The following CNTNAP2 variants were observed in gnomAD, a reference collection of about 807,000 sequenced individuals.
CNTNAP2 encodes contactin associated protein 2, also known as contactin-associated protein-like 2.
A neutral mutation model predicts 155.2 loss-of-function variants in CNTNAP2; 98 were observed. That is an observed-to-expected ratio of 0.63 (90% CI 0.54 to 0.75). The LOEUF (loss-of-function observed/expected upper bound fraction) is 0.75, where lower values mean the gene tolerates loss of function less well. CNTNAP2 is among the 30% of genes least tolerant of loss of function. The pLI, the probability that CNTNAP2 is intolerant of heterozygous loss-of-function variation, is 0.00. For missense variants in CNTNAP2, 1,727 were observed against 1,688.1 expected (o/e 1.02, Z -0.40); for synonymous variants, 651 against 631.2 (o/e 1.03, Z -0.47).
At chr7:147,254,875 G>A (rs1338078013) in intron 8 of CNTNAP2, among the ~76,000 whole-genome samples, 1 of 152,124 alleles carries the variant, frequency 6.6e-6, no homozygotes, top group African/African-American at 2.4e-5. Context: ...ATTGTTCTTT[G>A]AAGAATTTCT....
intron 1 of CNTNAP2, among the ~76,000 whole-genome samples, chr7:146,251,006 T>G (rs1799747842): frequency 6.6e-6 from 1 of 152,174 alleles, no homozygotes; most frequent in African/African-American, 2.4e-5. Flanking sequence ...TTTGCATGAG[T>G]GACAATTTTT....
chr7:147,376,026 T>C (rs1796427575), intron 9 of CNTNAP2, among the ~76,000 whole-genome samples: 1 of 151,990 alleles, frequency 6.6e-6, no homozygotes, highest in Admixed American at 6.6e-5. Context: ...GAGGATAGCT[T>C]TTGTGGTTGG....
intron 8 of CNTNAP2, among the ~76,000 whole-genome samples, chr7:147,217,250 A>C (rs1216725799): frequency 5.9e-5 from 9 of 151,928 alleles, no homozygotes; most frequent in Non-Finnish European, 1.3e-4. Context: ...GAAAGCTTCT[A>C]GTTTCTTACC....
At chr7:147,451,631 G>A (rs374360345) in intron 10 of CNTNAP2, among the ~76,000 whole-genome samples, 4 of 151,914 alleles carry the variant, frequency 2.6e-5, no homozygotes, top group Admixed American at 6.6e-5. Context: ...GGTTTCTGAC[G>A]CCACAGCTCT....
At chr7:148,168,223 A>G (rs530579813) in intron 17 of CNTNAP2, among the ~76,000 whole-genome samples, 9 of 152,114 alleles carry the variant, frequency 5.9e-5, no homozygotes, top group Admixed American at 3.3e-4. Context: ...TATATACCCA[A>G]AGGATTATAA....
intron 13 of CNTNAP2, among the ~76,000 whole-genome samples, chr7:147,743,666 T>C (rs574177123): frequency 6.8e-6 from 1 of 146,984 alleles, no homozygotes; most frequent in Non-Finnish European, 1.5e-5. Flanking sequence ...AGTGCCATTT[T>C]CTCCTTCCTG....
At chr7:148,039,072 T>C (rs922411790) in intron 15 of CNTNAP2, among the ~76,000 whole-genome samples, 8 of 151,928 alleles carry the variant, frequency 5.3e-5, no homozygotes, top group Non-Finnish European at 7.4e-5. Flanking sequence ...AATTGGGAGG[T>C]TGAGAAATCC....
At chr7:147,931,331 A>G (rs931999327) in intron 14 of CNTNAP2, among the ~76,000 whole-genome samples, 9 of 152,086 alleles carry the variant, frequency 5.9e-5, no homozygotes, top group African/African-American at 2.2e-4. Context: ...AGACATTACA[A>G]CCTGATGGCT....
chr7:146,375,117 G>A (rs563795668), intron 1 of CNTNAP2, among the ~76,000 whole-genome samples: 130 of 152,276 alleles, frequency 8.5e-4, no homozygotes, highest in African/African-American at 2.8e-3. Flanking sequence ...ACTTCTTAAA[G>A]CAATGTCATT....
chr7:146,751,385 T>A (rs1801900974), intron 1 of CNTNAP2, among the ~76,000 whole-genome samples: 1 of 152,154 alleles, frequency 6.6e-6, no homozygotes, highest in African/African-American at 2.4e-5. Flanking sequence ...ATTGTTAGAC[T>A]GTTAGAATGT....
Position 146,364,646 on chromosome 7 carries a change from C to T in CNTNAP2, c.97+247673C>T, listed in dbSNP as rs187401112. 4.2e-4 allele frequency among the ~76,000 whole-genome samples: 64 copies of T among 152,176 alleles called. No individual in the cohort carries two copies. In the East Asian group the frequency reaches 0.012, roughly 29 times the overall value. The stretch of plus-strand genomic sequence containing the variant: ...ACTCCGTATGACTACTATAAATTCT[C>T]CTAGTGAGAACACCAAGTATATACA... On this transcript the variant is annotated intron_variant, in intron 1 of 23. Transcript: ENST00000361727.
intron 3 of CNTNAP2, among the ~76,000 whole-genome samples, chr7:147,007,770 G>A (rs1307016814): frequency 5.3e-5 from 8 of 151,998 alleles, no homozygotes; most frequent in African/African-American, 1.9e-4. Context: ...TGTGGGTTGT[G>A]TAAGTACTTC....
At chr7:146,340,663 A>C (rs2129096476) in intron 1 of CNTNAP2, among the ~76,000 whole-genome samples, 1 of 152,274 alleles carries the variant, frequency 6.6e-6, no homozygotes, top group African/African-American at 2.4e-5. Context: ...TGTTAGCGAT[A>C]AAATTGCCAT....
intron 13 of CNTNAP2, among the ~76,000 whole-genome samples, chr7:147,641,063 A>G (rs1795267533): frequency 6.6e-6 from 1 of 152,200 alleles, no homozygotes. Flanking sequence ...AGGAATCGCC[A>G]TGTTTGGGTG....
intron 1 of CNTNAP2, among the ~76,000 whole-genome samples, chr7:146,600,058 G>A (rs1314008301): frequency 1.3e-5 from 2 of 151,822 alleles, no homozygotes; most frequent in African/African-American, 4.8e-5. Context: ...TTTTCTCTTC[G>A]GAAGCTGGCC....
intron 1 of CNTNAP2, among the ~76,000 whole-genome samples, chr7:146,586,855 G>C (rs182380287): frequency 5.9e-5 from 9 of 152,258 alleles, no homozygotes; most frequent in African/African-American, 1.9e-4. Flanking sequence ...AGTGTGCACT[G>C]TTTTGCCAGC....
intron 1 of CNTNAP2, among the ~76,000 whole-genome samples, chr7:146,437,805 G>A (rs1231348681): frequency 6.6e-6 from 1 of 151,218 alleles, no homozygotes; most frequent in Non-Finnish European, 1.5e-5. Flanking sequence ...AGGAGTTATG[G>A]CCAAAAAATG....
At chr7:147,671,168 A>G (rs955350696) in intron 13 of CNTNAP2, among the ~76,000 whole-genome samples, 2 of 151,976 alleles carry the variant, frequency 1.3e-5, no homozygotes, top group African/African-American at 2.4e-5. Context: ...GTGTTTGCGC[A>G]CTCCAGTTCT....
chr7:147,295,624 ATTC>A (rs1805425539), intron 8 of CNTNAP2, among the ~76,000 whole-genome samples: 1 of 152,180 alleles, frequency 6.6e-6, no homozygotes, highest in Non-Finnish European at 1.5e-5. Context: ...ATGAAATTCT[ATTC>A]TTCTCTGGAG....
Sources: allele counts gnomAD v4.1 joint callset (sites outside exome capture counted in the v4.1 genomes callset), GRCh38; gene constraint gnomAD v4.1.1; transcripts MANE v1.5; gene names NCBI Gene and HGNC (gene_info 2026-07-23, HGNC 2026-07-21).